Variants in FYB1 observed in about 807,000 individuals in gnomAD.
FYB1 encodes the protein FYN binding protein 1.
FYB1 carries 41 observed loss-of-function variants against 94.1 expected under a neutral mutation model. The ratio of observed to expected loss-of-function variants is 0.44; its 90% CI spans 0.34 to 0.57. FYB1 has a LOEUF of 0.57. FYB1 is among the 20% of genes least tolerant of loss of function. The probability of loss-of-function intolerance (pLI) is 0.02; values close to 1 mark genes in which losing one functional copy is unlikely to be tolerated. For missense variants in FYB1, 1,050 were observed against 976.8 expected (o/e 1.07, Z -1.00); for synonymous variants, 367 against 353.2 (o/e 1.04, Z -0.44).
intron 1 of FYB1, among the ~76,000 whole-genome samples, chr5:39,230,623 C>T (rs182812146): frequency 6.6e-6 from 1 of 152,096 alleles, no homozygotes; most frequent in African/African-American, 2.4e-5. Flanking sequence ...TGCAGCTTCT[C>T]TTCTGTCTTA....
Position 39,138,674 on chromosome 5 carries a change from T to C in FYB1, c.1377A>G (p.Gly459=). ...GNLDEEQDSE[G]ETYEDIEASK... ...ATTCATACATGTCTTCATATGTTTC[T>C]CCTTCACTGTCTTGTTCCTGTAAAG... Residue 459 remains glycine (G), a synonymous_variant, in exon 6 of 19, where the codon GGA becomes GGG. Transcript: ENST00000512982. The C allele has an allele frequency of 6.6e-7, 1 of 1,524,744 alleles. No homozygotes were observed. The highest frequency in any genetic ancestry group is 9.0e-7 in the Non-Finnish European group (1 of 1,107,256). 94.5% of individuals were successfully genotyped at this position (1,524,744 alleles called of 1,614,324 possible). A position where few individuals can be genotyped will look rare whatever the true frequency, so the allele number is the denominator to read the frequency against.
chr5:39,204,090 C>T (rs1748623120), intron 1 of FYB1, among the ~76,000 whole-genome samples: 1 of 152,160 alleles, frequency 6.6e-6, no homozygotes, highest in African/African-American at 2.4e-5. Context: ...CCCCACCTTT[C>T]ATTGCCCCAT....
rs1381838795 is a variant in FYB1 at position 39,202,926 on chromosome 5, T to A, written c.35A>T (p.Glu12Val). Residue 12 changes from glutamate (E) to valine (V), a missense_variant, in exon 2 of 19, where the codon GAG (glutamate) becomes GTG (valine). By Grantham distance (121) the Glu-to-Val change is moderately radical. Coordinates refer to ENST00000512982, the MANE Select transcript of FYB1 (RefSeq NM_001465.6). The stretch of plus-strand genomic sequence containing the variant: ...GGGTCGGCTATTGACTGAGACATCC[T>A]CTGTCGGGTTGCCCCCCGTGTTATA... ...AKYNTGGNPT[E>V]DVSVNSRPFR... 1 of 1,614,008 alleles carries A rather than the reference T, an allele frequency of 6.2e-7. No homozygotes were observed. The highest frequency in any genetic ancestry group is 1.7e-5 in the Admixed American group (1 of 60,022).
chr5:39,134,305 A>G lies in FYB1; in HGVS notation c.1720T>C (p.Leu574=), dbSNP rs1275101109. Residue 574 remains leucine, a synonymous_variant, in exon 9 of 19, where the codon TTG becomes CTG. Coordinates refer to ENST00000512982, the MANE Select transcript of FYB1 (RefSeq NM_001465.6). ...TTAVEIDYDS[L]KLKKDSLGAP... ...CCAAGAGAGTCTTTTTTCAGTTTCAAAGAATCATAGTCAATCTCTACAGCA... is the reference window on the plus strand; with the variant it reads ...CCAAGAGAGTCTTTTTTCAGTTTCAGAGAATCATAGTCAATCTCTACAGCA... 6.2e-7 allele frequency: 1 copy of G among 1,612,084 alleles called. No homozygotes were observed. Among genetic ancestry groups the G allele is most frequent in the East Asian group, 2.2e-5 (1 of 44,796 alleles).
At chr5:39,120,602 T>A (rs1740000552) in intron 14 of FYB1, among the ~76,000 whole-genome samples, 1 of 152,172 alleles carries the variant, frequency 6.6e-6, no homozygotes, top group Admixed American at 6.6e-5. Context: ...CCACATGATA[T>A]TAATTTGTAA....
chr5:39,107,465 C>A lies in FYB1; in HGVS notation c.2468G>T (p.Gly823Val). Residue 823 changes from glycine to valine, a missense_variant and splice_region_variant, in exon 19 of 19, where the codon GGC (glycine) becomes GTC (valine). Gly to Val is a moderately radical substitution (Grantham distance 109). Coordinates refer to ENST00000512982, the MANE Select transcript of FYB1 (RefSeq NM_001465.6). Reference sequence around the variant, plus strand: ...GTGCTAGTCATTGTCATAGATGCAGCCTGAAAGGAAAAAATACAAATTTAA... The same window carrying A: ...GTGCTAGTCATTGTCATAGATGCAGACTGAAAGGAAAAAATACAAATTTAA... ...DGEIYDDIADGCIYDND is the reference protein window; with the variant it reads ...DGEIYDDIADVCIYDND The A allele has an allele frequency of 6.6e-7, 1 of 1,513,078 alleles. No individual in the cohort carries two copies. The highest frequency in any genetic ancestry group is 8.9e-7 in the Non-Finnish European group (1 of 1,124,534). 93.7% of individuals were successfully genotyped at this position (1,513,078 alleles called of 1,614,324 possible).
chr5:39,133,909 A>G (rs1045364427), intron 9 of FYB1, among the ~76,000 whole-genome samples: 4 of 152,202 alleles, frequency 2.6e-5, no homozygotes, highest in Non-Finnish European at 5.9e-5. Context: ...TTCATTAGGC[A>G]TATCCCTAAG....
At chr5:39,153,850 T>C (rs1251432148) in intron 2 of FYB1, among the ~76,000 whole-genome samples, 1 of 152,148 alleles carries the variant, frequency 6.6e-6, no homozygotes, top group African/African-American at 2.4e-5. Flanking sequence ...CATGGTTCAC[T>C]GTAAGCTCAG....
At chr5:39,271,411 T>C in intron 1 of FYB1, among the ~76,000 whole-genome samples, 1 of 152,300 alleles carries the variant, frequency 6.6e-6, no homozygotes, top group Admixed American at 6.5e-5. Flanking sequence ...AATTGGAATA[T>C]TTAGCCTTCT....
intron 6 of FYB1, chr5:39,138,103 T>C (rs1741825986): frequency 4.9e-6 from 1 of 205,676 alleles, no homozygotes; most frequent in Non-Finnish European, 9.8e-6. Context: ...TGAGTCAGAA[T>C]TGGTTGAATA....
chr5:39,190,648 G>A (rs1216539112), intron 2 of FYB1, among the ~76,000 whole-genome samples: 1 of 152,190 alleles, frequency 6.6e-6, no homozygotes, highest in Non-Finnish European at 1.5e-5. Context: ...ATCAGGTCTA[G>A]AAAATTCTCT....
At chr5:39,152,044 T>A (rs187994699) in intron 3 of FYB1, among the ~76,000 whole-genome samples, 1 of 152,342 alleles carries the variant, frequency 6.6e-6, no homozygotes, top group East Asian at 1.9e-4. Context: ...GGAATTTACT[T>A]GAGCTTTCTG....
intron 2 of FYB1, among the ~76,000 whole-genome samples, chr5:39,194,011 A>G (rs1257192976): frequency 1.3e-5 from 2 of 152,216 alleles, no homozygotes; most frequent in Admixed American, 6.5e-5. Context: ...CATATAGCAC[A>G]GTAAATTCCT....
At chr5:39,237,677 G>T (rs1378312379) in intron 1 of FYB1, among the ~76,000 whole-genome samples, 1 of 152,108 alleles carries the variant, frequency 6.6e-6, no homozygotes, top group African/African-American at 2.4e-5. Context: ...AGATACTGAT[G>T]ATGGCATAGG....
intron 1 of FYB1, among the ~76,000 whole-genome samples, chr5:39,231,165 A>C (rs1190129295): frequency 2.2e-5 from 3 of 134,548 alleles, no homozygotes; most frequent in East Asian, 2.3e-4. Flanking sequence ...AAAAAAACAA[A>C]AAAAAACAAA....
intron 2 of FYB1, among the ~76,000 whole-genome samples, chr5:39,161,388 A>G (rs1486964471): frequency 6.6e-6 from 1 of 151,930 alleles, no homozygotes; most frequent in Non-Finnish European, 1.5e-5. Context: ...GAAAAGAAAA[A>G]CCCCTGTTCT....
intron 1 of FYB1, among the ~76,000 whole-genome samples, chr5:39,213,227 C>T (rs1561276360): frequency 6.6e-6 from 1 of 152,064 alleles, no homozygotes; most frequent in Non-Finnish European, 1.5e-5. Context: ...ACTGAGTCAC[C>T]TAAGCTTTAG....
intron 1 of FYB1, among the ~76,000 whole-genome samples, chr5:39,204,905 T>A (rs1006394882): frequency 3.0e-4 from 45 of 152,142 alleles, no homozygotes; most frequent in African/African-American, 9.7e-4. Context: ...TTTTCTACCT[T>A]TCCTCCCTTT....
chr5:39,116,473 A>G (rs191245111), intron 16 of FYB1, among the ~76,000 whole-genome samples: 145 of 152,340 alleles, frequency 9.5e-4, no homozygotes, highest in African/African-American at 2.2e-3. Flanking sequence ...TTCACCTCTC[A>G]TTCTTAGAAG....
Sources: gnomAD v4.1 joint callset for allele counts (sites outside exome capture counted in the v4.1 genomes callset) on GRCh38, gnomAD v4.1.1 for gene constraint, MANE v1.5 for transcripts, NCBI Gene and HGNC (gene_info 2026-07-23, HGNC 2026-07-21) for gene names.